Variants in UST observed in about 807,000 individuals in gnomAD.
UST encodes the protein chondroitin sulfate 2-O-sulfotransferase.
In UST, 21 loss-of-function variants were observed where a neutral mutation model predicts 45.6. The observed-to-expected ratio is 0.46, with a 90% CI of 0.33 to 0.66. The LOEUF (loss-of-function observed/expected upper bound fraction) is 0.66, where lower values mean the gene tolerates loss of function less well. Ranked by LOEUF, UST falls within the 30% of genes least tolerant of loss-of-function variation. The pLI, the probability that UST is intolerant of heterozygous loss-of-function variation, is 0.02. For synonymous variants in UST, 215 were observed against 200.6 expected (o/e 1.07, Z -0.61); for missense variants, 463 against 512.4 (o/e 0.90, Z 0.93).
At chr6:148,823,721 A>G (rs1207717796) in intron 1 of UST, among the ~76,000 whole-genome samples, 1 of 152,182 alleles carries the variant, frequency 6.6e-6, no homozygotes, top group Non-Finnish European at 1.5e-5. Context: ...TGTCTAGGGT[A>G]TCAGTTAACA....
chr6:148,758,536 C>T (rs1039772796), intron 1 of UST, among the ~76,000 whole-genome samples: 1 of 152,294 alleles, frequency 6.6e-6, no homozygotes. Context: ...CAATGCCAGG[C>T]ATACACTGTG....
Position 148,934,854 on chromosome 6 carries a change from T to C in UST, c.292-6425T>C, listed in dbSNP as rs1005415721. 6.6e-6 allele frequency among the ~76,000 whole-genome samples: 1 copy of C among 152,214 alleles called. No homozygotes were observed. Among genetic ancestry groups the C allele is most frequent in the Non-Finnish European group, 1.5e-5 (1 of 68,042 alleles). ...CCCAGAAATCTGCATTTTTAAAAGT[T>C]CTGTGAGGAATTTGAATATACAGTT... On this transcript the variant is annotated intron_variant, in intron 2 of 7. Transcript: ENST00000367463. The surrounding 1 kb of genome is among the most constrained non-coding windows in gnomAD (Gnocchi z 4.1).
intron 1 of UST, among the ~76,000 whole-genome samples, chr6:148,797,578 G>A (rs1337275549): frequency 6.6e-6 from 1 of 152,226 alleles, no homozygotes; most frequent in Non-Finnish European, 1.5e-5. Context: ...AGGGAAGACA[G>A]TAAGAAAAGT....
chr6:149,020,724 T>A lies in UST; in HGVS notation c.780-600T>A, dbSNP rs557545536. ...CCCGGGCTTTTCTCACTCGCCTTAG[T>A]GTCAGTTCAGAGAGCTGGCCTACAA... On this transcript the variant is annotated intron_variant, in intron 6 of 7. Coordinates refer to ENST00000367463, the MANE Select transcript of UST (RefSeq NM_005715.3). 5.9e-5 allele frequency among the ~76,000 whole-genome samples: 9 copies of A among 152,298 alleles called. No individual in the cohort carries two copies. The South Asian group carries it at 1.9e-3, about 32-fold the overall frequency.
chr6:149,055,744 A>G (rs1039905476), intron 7 of UST, among the ~76,000 whole-genome samples: 6 of 152,080 alleles, frequency 3.9e-5, no homozygotes, highest in African/African-American at 1.4e-4. Flanking sequence ...ATCAAAGGGG[A>G]AGGCTGGTGG....
chr6:149,058,773 T>C (rs1776609231), intron 7 of UST, among the ~76,000 whole-genome samples: 1 of 152,250 alleles, frequency 6.6e-6, no homozygotes, highest in South Asian at 2.1e-4. Flanking sequence ...AAGTTTTTTT[T>C]AGAAGTAGAT....
intron 2 of UST, among the ~76,000 whole-genome samples, chr6:148,904,788 A>G (rs1420278046): frequency 1.3e-5 from 2 of 152,140 alleles, no homozygotes; most frequent in Non-Finnish European, 2.9e-5. Context: ...CAAAGTGCTA[A>G]GATAACAGGT....
chr6:148,981,980 A>T (rs1044200978), intron 5 of UST, among the ~76,000 whole-genome samples: 1 of 152,180 alleles, frequency 6.6e-6, no homozygotes, highest in Non-Finnish European at 1.5e-5. Flanking sequence ...CAGCAGGTTC[A>T]GTTGTCTGGT....
At position 149,015,069 on chromosome 6, in the gene UST, C is replaced by T. The variant is rs551303375; in HGVS notation, c.682-4070C>T. ...AGGGTGAGAGAGGCCTCAGGAAGGA[C>T]TCTCTGGAACTGGAGGCAGTGACTG... On this transcript the variant is annotated intron_variant, in intron 5 of 7. Transcript: ENST00000367463. 9.9e-5 allele frequency among the ~76,000 whole-genome samples: 15 copies of T among 152,200 alleles called. No individual in the cohort carries two copies. The South Asian group carries it at 3.1e-3, about 32-fold the overall frequency.
intron 5 of UST, among the ~76,000 whole-genome samples, chr6:148,992,334 C>T (rs2114993532): frequency 6.6e-6 from 1 of 152,202 alleles, no homozygotes; most frequent in East Asian, 1.9e-4. Flanking sequence ...GAAACCCCGT[C>T]TCTACTAAAA....
At chr6:148,794,580 TTGA>T (rs1562260151) in intron 1 of UST, among the ~76,000 whole-genome samples, 1 of 152,204 alleles carries the variant, frequency 6.6e-6, no homozygotes, top group Non-Finnish European at 1.5e-5. Context: ...TTAGAAATAG[TTGA>T]TGAACTCCTG....
rs1211970504 is a variant in UST, at chr6:149,041,887, C to CTAT, written c.937+20408_937+20409insTTA. On this transcript the variant is annotated intron_variant, in intron 7 of 7. Transcript: ENST00000367463. ...TCCCCGAGGACCCTAATAGATCATTCTAGAACAAAGATCTAGAATGATCTA... is the reference window on the plus strand; with the variant it reads ...TCCCCGAGGACCCTAATAGATCATTCTATTAGAACAAAGATCTAGAATGATCTA... 6.6e-5 allele frequency among the ~76,000 whole-genome samples: 10 copies of CTAT among 152,318 alleles called. No individual in the cohort carries two copies. The South Asian group carries it at 2.1e-3, about 32-fold the overall frequency.
chr6:148,758,919 G>C (rs1164486162), intron 1 of UST, among the ~76,000 whole-genome samples: 2 of 152,232 alleles, frequency 1.3e-5, no homozygotes, highest in African/African-American at 2.4e-5. Context: ...TTAACACAAA[G>C]GCTGTTTGAC....
intron 2 of UST, among the ~76,000 whole-genome samples, chr6:148,912,884 A>T (rs1779503631): frequency 6.6e-6 from 1 of 152,182 alleles, no homozygotes; most frequent in Non-Finnish European, 1.5e-5. Flanking sequence ...GGTGCACCTC[A>T]GTTGTTATTT....
At chr6:148,921,800 G>A (rs1779712865) in intron 2 of UST, among the ~76,000 whole-genome samples, 4 of 152,176 alleles carry the variant, frequency 2.6e-5, no homozygotes, top group Admixed American at 6.5e-5. Flanking sequence ...CCCATGGTCT[G>A]GTGCCTCTGG....
At chr6:148,950,978 G>C (rs1040741914) in intron 3 of UST, among the ~76,000 whole-genome samples, 9 of 152,196 alleles carry the variant, frequency 5.9e-5, no homozygotes, top group African/African-American at 2.2e-4. Context: ...TACTTGGAGG[G>C]GTAGATATTT....
chr6:149,039,603 C>T (rs1194325137), intron 7 of UST, among the ~76,000 whole-genome samples: 1 of 152,230 alleles, frequency 6.6e-6, no homozygotes. Context: ...GGACCATACT[C>T]AGGGTCTCAT....
At chr6:149,051,858 A>G (rs191014965) in intron 7 of UST, among the ~76,000 whole-genome samples, 9 of 152,374 alleles carry the variant, frequency 5.9e-5, no homozygotes, top group Non-Finnish European at 1.0e-4. Flanking sequence ...GCAAGAAGAT[A>G]TAGTAGAAGA....
chr6:148,841,504 T>G (rs1443594587), intron 1 of UST, among the ~76,000 whole-genome samples: 2 of 152,178 alleles, frequency 1.3e-5, no homozygotes, highest in African/African-American at 4.8e-5. Flanking sequence ...ATTTGATAAT[T>G]ACTATTTAAA....
Sources: allele counts gnomAD v4.1 joint callset (sites outside exome capture counted in the v4.1 genomes callset), GRCh38; gene constraint gnomAD v4.1.1; non-coding constraint Gnocchi (gnomAD v3.1); transcripts MANE v1.5; gene names NCBI Gene and HGNC (gene_info 2026-07-23, HGNC 2026-07-21).